RBFOX3: variants seen among roughly 807,000 people sequenced by gnomAD.
RBFOX3 encodes the protein RNA binding protein fox-1 homolog 3.
A neutral mutation model predicts 48.7 loss-of-function variants in RBFOX3; 17 were observed. The observed-to-expected ratio is 0.35, with a 90% confidence interval of 0.24 to 0.52. RBFOX3 has a LOEUF of 0.52. Among genes scored for constraint, RBFOX3 ranks in the 20% least tolerant of loss-of-function variants. The probability of loss-of-function intolerance (pLI) is 0.94; values close to 1 mark genes in which losing one functional copy is unlikely to be tolerated. For missense variants in RBFOX3, 382 were observed against 497.5 expected (o/e 0.77, Z 2.21); for synonymous variants, 212 against 209.5 (o/e 1.01, Z -0.10).
At chr17:79,186,271 C>A (rs1255382244) in intron 4 of RBFOX3, among the ~76,000 whole-genome samples, 1 of 152,248 alleles carries the variant, frequency 6.6e-6, no homozygotes, top group Admixed American at 6.5e-5. Flanking sequence ...AATAATACCT[C>A]CAGAAAAAGG....
At chr17:79,461,190 C>T (rs1246973637) in intron 2 of RBFOX3, among the ~76,000 whole-genome samples, 3 of 152,190 alleles carry the variant, frequency 2.0e-5, no homozygotes, top group African/African-American at 7.2e-5. Context: ...GAGGACCCAG[C>T]GTGATGACTA....
chr17:79,143,513 C>T (rs2042363957), intron 4 of RBFOX3, among the ~76,000 whole-genome samples: 1 of 152,202 alleles, frequency 6.6e-6, no homozygotes, highest in African/African-American at 2.4e-5. Flanking sequence ...TGGGGGTCTC[C>T]TCCCAGGCTC....
At chr17:79,266,013 C>T (rs1404176806) in intron 3 of RBFOX3, among the ~76,000 whole-genome samples, 2 of 152,236 alleles carry the variant, frequency 1.3e-5, no homozygotes, top group South Asian at 4.1e-4. Context: ...CAGACCTAGA[C>T]CAGAGCTGAC....
intron 1 of RBFOX3, among the ~76,000 whole-genome samples, chr17:79,546,019 C>T (rs1364209240): frequency 7.9e-5 from 12 of 152,230 alleles, no homozygotes; most frequent in Non-Finnish European, 1.5e-4. Flanking sequence ...ATCATGCTAC[C>T]ACTTGGACAA....
At chr17:79,564,893 TAGCCGGGCGTGCTGGCACACGCCTG>T in intron 1 of RBFOX3, among the ~76,000 whole-genome samples, 1 of 151,964 alleles carries the variant, frequency 6.6e-6, no homozygotes, top group South Asian at 2.1e-4. Flanking sequence ...ATACAAAAAT[TAGCCGGGCGTGCTGGCACACGCCTG>T]TAGTCCCAGC....
At chr17:79,603,023 C>T (rs1475888155) in intron 1 of RBFOX3, among the ~76,000 whole-genome samples, 1 of 137,812 alleles carries the variant, frequency 7.3e-6, no homozygotes, top group Non-Finnish European at 1.5e-5. Flanking sequence ...GGGAGTCTTG[C>T]TCTGTTGCCC....
chr17:79,137,895 C>T (rs939165860), intron 4 of RBFOX3, among the ~76,000 whole-genome samples: 4 of 152,188 alleles, frequency 2.6e-5, no homozygotes, highest in South Asian at 2.1e-4. Flanking sequence ...CCGTTCCTGC[C>T]GACGCTGCAC....
At chr17:79,145,325 G>A (rs55949744) in intron 4 of RBFOX3, among the ~76,000 whole-genome samples, 30,943 of 152,232 alleles carry the variant, frequency 0.2, 3,452 homozygotes, top group Middle Eastern at 0.27. Flanking sequence ...AGTTCCCGAT[G>A]TGCGTGGCGG....
intron 1 of RBFOX3, among the ~76,000 whole-genome samples, chr17:79,505,511 C>T (rs1239152379): frequency 6.6e-6 from 1 of 152,196 alleles, no homozygotes; most frequent in Non-Finnish European, 1.5e-5. Flanking sequence ...CTCCCCAGCT[C>T]CTCTTCTGTC....
chr17:79,392,350 C>G lies in RBFOX3; in HGVS notation c.-174-84526G>C, dbSNP rs2124602. Among the ~76,000 whole-genome samples the G allele has an allele frequency of 0.21, 32,524 of 152,054 alleles. 3,505 individuals are homozygous for G. Among genetic ancestry groups the G allele is most frequent in the Non-Finnish European group, 0.25 (17,136 of 67,940 alleles). The stretch of plus-strand genomic sequence containing the variant: ...CTTACTAGCTGTGTGATCCTGGGCA[C>G]GTGATTTCACCGTCTTTCATTGTGG... On this transcript the variant is annotated intron_variant, in intron 2 of 14. Coordinates refer to ENST00000693108, the MANE Select transcript of RBFOX3 (RefSeq NM_001350451.2). This position sits in a 1 kb window ranked among gnomAD's most constrained non-coding sequence, Gnocchi z 5.0.
Position 79,177,095 on chromosome 17 carries a change from G to A in RBFOX3, c.-34+58671C>T, listed in dbSNP as rs148258709. Among the ~76,000 whole-genome samples the A allele has an allele frequency of 7.9e-3, 1,199 of 152,276 alleles. 16 individuals are homozygous for A. Among genetic ancestry groups the A allele is most frequent in the African/African-American group, 0.028 (1,148 of 41,552 alleles). On this transcript the variant is annotated intron_variant, in intron 4 of 14. Transcript: ENST00000693108. ...ACCTCCCTCTGGACGCCTGCCCATG[G>A]GACTGTCTGTCCTGGCCCAGGTGCC...
intron 1 of RBFOX3, among the ~76,000 whole-genome samples, chr17:79,547,727 T>G (rs1555792370): frequency 6.6e-6 from 1 of 152,154 alleles, no homozygotes; most frequent in Non-Finnish European, 1.5e-5. Context: ...CGGAGACCAG[T>G]GGAGCAGGCT....
chr17:79,166,696 C>T lies in RBFOX3; in HGVS notation c.-33-50948G>A, dbSNP rs546215366. The stretch of plus-strand genomic sequence containing the variant: ...GGCCGAGGGAAGCCCCCAGGCCACT[C>T]AGAGCCCATCCACCCCTCCTGCCAG... On this transcript the variant is annotated intron_variant, in intron 4 of 14. Coordinates refer to ENST00000693108, the MANE Select transcript of RBFOX3 (RefSeq NM_001350451.2). Among the ~76,000 whole-genome samples the T allele has an allele frequency of 9.2e-5, 14 of 152,170 alleles. No homozygotes were observed. The East Asian group carries it at 2.5e-3, about 27-fold the overall frequency.
chr17:79,202,138 G>A (rs1174490996), intron 4 of RBFOX3, among the ~76,000 whole-genome samples: 1 of 152,128 alleles, frequency 6.6e-6, no homozygotes, highest in Non-Finnish European at 1.5e-5. Flanking sequence ...AGAGTAGGGA[G>A]GGCCCAGGAA....
At chr17:79,405,648 G>A (rs1034806348) in intron 2 of RBFOX3, among the ~76,000 whole-genome samples, 1 of 152,202 alleles carries the variant, frequency 6.6e-6, no homozygotes, top group Non-Finnish European at 1.5e-5. Context: ...TTGAACCCAA[G>A]AGGCAGAGGT....
chr17:79,604,257 C>T (rs1337763692), intron 1 of RBFOX3, among the ~76,000 whole-genome samples: 1 of 152,116 alleles, frequency 6.6e-6, no homozygotes, highest in Non-Finnish European at 1.5e-5. Flanking sequence ...GTGTCAACAC[C>T]AAGTCATTAG....
intron 2 of RBFOX3, among the ~76,000 whole-genome samples, chr17:79,398,514 G>T (rs900922121): frequency 6.6e-6 from 1 of 152,124 alleles, no homozygotes; most frequent in Non-Finnish European, 1.5e-5. Flanking sequence ...ACCTCCTGGG[G>T]AGGGACACGT....
chr17:79,160,958 C>T (rs1599739199), intron 4 of RBFOX3, among the ~76,000 whole-genome samples: 1 of 130,284 alleles, frequency 7.7e-6, no homozygotes, highest in African/African-American at 2.9e-5. Flanking sequence ...CCAGTCTCGG[C>T]AACAAGAGCG....
intron 2 of RBFOX3, among the ~76,000 whole-genome samples, chr17:79,383,075 G>C (rs900429936): frequency 6.1e-5 from 5 of 82,312 alleles, no homozygotes; most frequent in East Asian, 3.0e-4. Flanking sequence ...CACACACACA[G>C]TGTGTAGAAT....
Sources: gnomAD v4.1 joint callset for allele counts (sites outside exome capture counted in the v4.1 genomes callset) on GRCh38, gnomAD v4.1.1 for gene constraint, Gnocchi (gnomAD v3.1) non-coding constraint, MANE v1.5 for transcripts, NCBI Gene and HGNC (gene_info 2026-07-23, HGNC 2026-07-21) for gene names.